The following CCSER1 variants were observed in gnomAD, a reference collection of about 807,000 sequenced individuals.
The protein encoded by CCSER1 is coiled-coil serine rich protein 1.
A neutral mutation model predicts 82.0 loss-of-function variants in CCSER1; 41 were observed. The ratio of observed to expected loss-of-function variants is 0.50; its 90% confidence interval spans 0.39 to 0.65. The LOEUF is 0.65. Among genes scored for constraint, CCSER1 ranks in the 30% least tolerant of loss-of-function variants. The pLI is 0.00. For missense variants in CCSER1, 1,119 were observed against 1,064.2 expected, an observed-to-expected ratio of 1.05 and a Z score of -0.72; for synonymous variants, 414 against 383.9, an observed-to-expected ratio of 1.08 and a Z score of -0.92.
chr4:90,501,044 T>C (rs1769796861), intron 5 of CCSER1, among the ~76,000 whole-genome samples: 1 of 152,100 alleles, frequency 6.6e-6, no homozygotes, highest in Admixed American at 6.6e-5. Flanking sequence ...ATGAAGTGTT[T>C]TCACTCTTGT....
intron 10 of CCSER1, among the ~76,000 whole-genome samples, chr4:91,530,031 A>G (rs1760946021): frequency 6.6e-6 from 1 of 152,156 alleles, no homozygotes; most frequent in Non-Finnish European, 1.5e-5. Flanking sequence ...AATGGAAAGC[A>G]TCTGAAGAAG....
chr4:90,921,747 G>C (rs1442068469), intron 8 of CCSER1, among the ~76,000 whole-genome samples: 1 of 151,962 alleles, frequency 6.6e-6, no homozygotes, highest in Non-Finnish European at 1.5e-5. Flanking sequence ...TGAGTGCATA[G>C]ACTCTAATTC....
At chr4:90,134,149 A>G (rs1723265818) in intron 1 of CCSER1, among the ~76,000 whole-genome samples, 1 of 152,216 alleles carries the variant, frequency 6.6e-6, no homozygotes, top group South Asian at 2.1e-4. Context: ...TGATGCATAT[A>G]TTAGAGATGA....
intron 1 of CCSER1, among the ~76,000 whole-genome samples, chr4:90,295,417 A>C (rs1731679697): frequency 6.6e-6 from 1 of 152,004 alleles, no homozygotes; most frequent in South Asian, 2.1e-4. Context: ...TCTGCTCGTA[A>C]TGTTGATTAG....
At chr4:90,320,261 CAT>C (rs879818119) in intron 3 of CCSER1, among the ~76,000 whole-genome samples, 6 of 152,132 alleles carry the variant, frequency 3.9e-5, no homozygotes, top group Non-Finnish European at 8.8e-5. Flanking sequence ...AATAATGATA[CAT>C]GTTTATATAG....
intron 5 of CCSER1, among the ~76,000 whole-genome samples, chr4:90,536,386 C>A (rs975676111): frequency 1.3e-5 from 2 of 152,038 alleles, no homozygotes; most frequent in Non-Finnish European, 2.9e-5. Flanking sequence ...GTGAGAGTTG[C>A]GATAATTAGC....
At chr4:91,304,926 C>T (rs1055682144) in intron 10 of CCSER1, among the ~76,000 whole-genome samples, 3 of 151,842 alleles carry the variant, frequency 2.0e-5, no homozygotes, top group Admixed American at 2.0e-4. Context: ...TTCTTATTTC[C>T]GTAGAAAGCA....
At chr4:90,456,572 C>T (rs945700113) in intron 4 of CCSER1, among the ~76,000 whole-genome samples, 7 of 152,150 alleles carry the variant, frequency 4.6e-5, no homozygotes, top group Admixed American at 2.0e-4. Context: ...TGATCCCACA[C>T]GATGGCTAGA....
intron 10 of CCSER1, among the ~76,000 whole-genome samples, chr4:91,504,230 T>A (rs1270008950): frequency 6.6e-6 from 1 of 152,172 alleles, no homozygotes; most frequent in Non-Finnish European, 1.5e-5. Flanking sequence ...GAAAAGGGTA[T>A]ACATTTGAGA....
chr4:90,259,358 G>T (rs141540612), intron 1 of CCSER1, among the ~76,000 whole-genome samples: 3 of 152,012 alleles, frequency 2.0e-5, no homozygotes, highest in Non-Finnish European at 4.4e-5. Flanking sequence ...TCAGATCTAG[G>T]TGCCTTTTGG....
chr4:90,535,594 G>C (rs1279345035), intron 5 of CCSER1, among the ~76,000 whole-genome samples: 1 of 152,136 alleles, frequency 6.6e-6, no homozygotes, highest in African/African-American at 2.4e-5. Flanking sequence ...GGGCAGCTTT[G>C]TCACATCTAT....
chr4:91,371,767 C>T (rs114954709), intron 10 of CCSER1, among the ~76,000 whole-genome samples: 2,844 of 152,242 alleles, frequency 0.019, 66 homozygotes, highest in African/African-American at 0.064. Flanking sequence ...TACAATCACA[C>T]ATTATGCAAT....
chr4:90,959,753 T>TTC (rs397687383), intron 9 of CCSER1, among the ~76,000 whole-genome samples: 3 of 150,422 alleles, frequency 2.0e-5, no homozygotes, highest in Non-Finnish European at 4.5e-5. Context: ...TTTTTTTTTT[T>TTC]CGTTTGTTTT....
intron 7 of CCSER1, among the ~76,000 whole-genome samples, chr4:90,764,486 C>T (rs536981415): frequency 2.0e-4 from 30 of 152,200 alleles, no homozygotes; most frequent in African/African-American, 7.0e-4. Flanking sequence ...TTTATACCTA[C>T]AGAGACATCA....
At chr4:90,471,340 G>A (rs1764369237) in intron 5 of CCSER1, among the ~76,000 whole-genome samples, 1 of 151,878 alleles carries the variant, frequency 6.6e-6, no homozygotes, top group Admixed American at 6.6e-5. Context: ...AAGGCTGAGG[G>A]GAAAGGATCA....
intron 10 of CCSER1, among the ~76,000 whole-genome samples, chr4:91,495,199 G>T (rs530457173): frequency 1.3e-5 from 2 of 151,602 alleles, no homozygotes; most frequent in African/African-American, 4.8e-5. Context: ...TTTGTTCATG[G>T]TATTAAATGA....
rs556013560 is a variant in CCSER1, at chr4:90,821,122, G to GT, written c.2094+5283dup. ...TAATGATAGTAGCCCTCATTTCATTGTTTTTTGCATGTCATTACTTATTAC... is the reference window on the plus strand; with the variant it reads ...TAATGATAGTAGCCCTCATTTCATTGTTTTTTTGCATGTCATTACTTATTAC... On this transcript the variant is annotated intron_variant, in intron 8 of 10. Transcript: ENST00000509176. 7.2e-3 allele frequency among the ~76,000 whole-genome samples: 1,099 copies of GT among 152,118 alleles called. 14 individuals are homozygous for GT. The highest frequency in any genetic ancestry group is 0.031 in the Middle Eastern group (9 of 292).
In CCSER1 at chr4:91,604,766, T is replaced by C. The variant is rs1453463449; in HGVS notation, c.*5709T>C. On this transcript the variant is annotated 3_prime_UTR_variant, in exon 11 of 11. Coordinates refer to ENST00000509176, the MANE Select transcript of CCSER1 (RefSeq NM_001145065.2). ...ACAGCTGATTTAGAATTTGCTTAAT[T>C]ATTCAGAAGGAATTGAAGTGAAATG... is the stretch of plus-strand genomic sequence containing the variant. 2 of 152,044 alleles carry C rather than the reference T, an allele frequency of 1.3e-5. No homozygotes were observed. Among genetic ancestry groups the C allele is most frequent in the African/African-American group, 4.8e-5 (2 of 41,454 alleles). 9.4% of individuals were successfully genotyped at this position (152,044 alleles called of 1,614,324 possible). A position where few individuals can be genotyped will look rare whatever the true frequency, so the allele number is the denominator to read the frequency against.
intron 4 of CCSER1, among the ~76,000 whole-genome samples, chr4:90,422,318 C>A (rs917023218): frequency 6.6e-6 from 1 of 152,058 alleles, no homozygotes; most frequent in African/African-American, 2.4e-5. Flanking sequence ...TCTGAAGAGC[C>A]CATAGAACCA....
Sources: allele counts gnomAD v4.1 joint callset (sites outside exome capture counted in the v4.1 genomes callset), GRCh38; gene constraint gnomAD v4.1.1; transcripts MANE v1.5; gene names NCBI Gene and HGNC (gene_info 2026-07-23, HGNC 2026-07-21).